Variants in WDR37 observed in about 807,000 individuals in gnomAD.
WDR37 encodes WD repeat-containing protein 37.
In WDR37, 19 loss-of-function variants were observed where a neutral mutation model predicts 62.9. The ratio of observed to expected loss-of-function variants is 0.30; its 90% CI spans 0.21 to 0.44. WDR37 has a LOEUF of 0.44. Ranked by LOEUF, WDR37 falls within the 20% of genes least tolerant of loss-of-function variation. The probability of loss-of-function intolerance (pLI) is 1.00; values close to 1 mark genes in which losing one functional copy is unlikely to be tolerated. For synonymous variants in WDR37, 250 were observed against 260.9 expected (o/e 0.96, Z 0.40); for missense variants, 474 against 657.6 (o/e 0.72, Z 3.05).
chr10:1,067,253 A>G (rs1833581703), intron 1 of WDR37, among the ~76,000 whole-genome samples: 1 of 152,214 alleles, frequency 6.6e-6, no homozygotes, highest in Non-Finnish European at 1.5e-5. Flanking sequence ...ACAAACAACA[A>G]AAAAACCTTG....
At chr10:1,091,178 G>A (rs1834375959) in intron 7 of WDR37, among the ~76,000 whole-genome samples, 1 of 152,230 alleles carries the variant, frequency 6.6e-6, no homozygotes, top group South Asian at 2.1e-4. Flanking sequence ...CTTCTGTGGT[G>A]TGGTGCCTTC....
At chr10:1,116,824 C>G (rs1397106932) in intron 11 of WDR37, among the ~76,000 whole-genome samples, 2 of 151,762 alleles carry the variant, frequency 1.3e-5, no homozygotes, top group Non-Finnish European at 2.9e-5. Context: ...TGTCTTGTGA[C>G]CACAGAAACT....
In WDR37 at chr10:1,116,801, T is replaced by G. The variant is rs554408379; in HGVS notation, c.1104-7417T>G. On this transcript the variant is annotated intron_variant, in intron 11 of 13. Transcript: ENST00000263150. ...GTCTTGGGTGTTTCCTTTGTATTAG[T>G]TAGTGAATGTTTTGTCTTGTGACCA... Among the ~76,000 whole-genome samples the G allele has an allele frequency of 9.9e-5, 15 of 152,256 alleles. No individual in the cohort carries two copies. The South Asian group carries it at 2.1e-3, about 21-fold the overall frequency.
At chr10:1,064,710 A>G (rs1833487195) in intron 1 of WDR37, among the ~76,000 whole-genome samples, 6 of 145,900 alleles carry the variant, frequency 4.1e-5, no homozygotes, top group Admixed American at 3.7e-4. Flanking sequence ...GTTCTGCCCT[A>G]GCCTCCCAAG....
intron 9 of WDR37, among the ~76,000 whole-genome samples, chr10:1,098,251 GAGACACC>G (rs1298036947): frequency 2.6e-5 from 4 of 151,782 alleles, no homozygotes; most frequent in Non-Finnish European, 5.9e-5. Flanking sequence ...CTTGTCAGAA[GAGACACC>G]AGACAGCTCA....
intron 10 of WDR37, among the ~76,000 whole-genome samples, chr10:1,104,907 C>T (rs1352132493): frequency 6.6e-6 from 1 of 152,140 alleles, no homozygotes; most frequent in African/African-American, 2.4e-5. Context: ...GGGTTATGCA[C>T]CTGTTTGGTT....
chr10:1,114,193 A>G (rs1835312458), intron 11 of WDR37, among the ~76,000 whole-genome samples: 2 of 152,060 alleles, frequency 1.3e-5, no homozygotes, highest in Non-Finnish European at 2.9e-5. Context: ...CTAACCTCAA[A>G]TGATCCACCT....
chr10:1,126,339 G>A (rs1266214476), intron 13 of WDR37, among the ~76,000 whole-genome samples: 3 of 150,896 alleles, frequency 2.0e-5, no homozygotes, highest in East Asian at 3.9e-4. Context: ...CCAGGAGGCG[G>A]AGCTTGCAGT....
In WDR37 at chr10:1,124,917, G is replaced by A. The variant is rs1377101832; in HGVS notation, c.1246G>A (p.Val416Ile). The change falls in exon 13 of 14, where the codon GTA (valine) becomes ATA (isoleucine). Residue 416 changes from valine to isoleucine, a missense_variant. Val to Ile is a conservative substitution (Grantham distance 29). Coordinates refer to ENST00000263150, the MANE Select transcript of WDR37 (RefSeq NM_014023.4). ...RTDSAINRINVCVGQKIIALP... is the reference protein window; with the variant it reads ...RTDSAINRINICVGQKIIALP... ...TTTACCTCTTCTTTGCAGGATCAAT[G>A]TATGTGTCGGCCAAAAAATCATAGC... 1.9e-6 allele frequency: 3 copies of A among 1,614,034 alleles called. No homozygotes were observed. Among genetic ancestry groups the A allele is most frequent in the Non-Finnish European group, 2.5e-6 (3 of 1,180,030 alleles).
chr10:1,081,334 C>T (rs145030949), intron 5 of WDR37, among the ~76,000 whole-genome samples: 5 of 152,250 alleles, frequency 3.3e-5, no homozygotes, highest in African/African-American at 9.6e-5. Flanking sequence ...ATTTTGTATG[C>T]ATCTGTACTT....
intron 13 of WDR37, among the ~76,000 whole-genome samples, chr10:1,126,407 G>T (rs10794723): frequency 6.8e-6 from 1 of 147,554 alleles, no homozygotes; most frequent in South Asian, 2.1e-4. Context: ...CTGTGTCTCA[G>T]AAAAAAAAAA....
At chr10:1,095,642 T>G (rs1834550234) in intron 8 of WDR37, among the ~76,000 whole-genome samples, 1 of 152,214 alleles carries the variant, frequency 6.6e-6, no homozygotes. Context: ...CCCGCAGTGC[T>G]GTCCTTTTGT....
chr10:1,124,785 A>G (rs1315738624), intron 12 of WDR37, 125 bp from the exon 13 acceptor site: 2 of 1,257,990 alleles, frequency 1.6e-6, no homozygotes, highest in Middle Eastern at 3.8e-4. Flanking sequence ...TGGTACACGC[A>G]GTGTGTTCAT....
chr10:1,086,695 A>T (rs1564502312), intron 7 of WDR37, among the ~76,000 whole-genome samples: 1 of 152,198 alleles, frequency 6.6e-6, no homozygotes, highest in Non-Finnish European at 1.5e-5. Context: ...TTTACTTTTG[A>T]TGTAGTGATA....
At chr10:1,066,341 G>T (rs202023735) in intron 1 of WDR37, among the ~76,000 whole-genome samples, 6 of 152,134 alleles carry the variant, frequency 3.9e-5, no homozygotes, top group East Asian at 3.9e-4. Flanking sequence ...TGGTCTCGAA[G>T]TCCTGACCTT....
chr10:1,124,131 CCA>C (rs1835668561), intron 11 of WDR37, 85 bp from the exon 12 acceptor site: 1 of 1,576,520 alleles, frequency 6.3e-7, no homozygotes, highest in African/African-American at 1.3e-5. Context: ...GACCTCCTTC[CCA>C]CCCACTTGGT....
intron 2 of WDR37, chr10:1,074,633 G>A (rs776222957): frequency 2.2e-4 from 180 of 804,742 alleles, no homozygotes; most frequent in Admixed American, 1.1e-3. Flanking sequence ...TCTGCCGCAC[G>A]CGTTTGGCAT....
At chr10:1,102,039 C>T (rs940715896) in intron 9 of WDR37, among the ~76,000 whole-genome samples, 18 of 151,252 alleles carry the variant, frequency 1.2e-4, no homozygotes, top group East Asian at 9.8e-4. Flanking sequence ...GTCCCTGTGA[C>T]GTGCGTTCCC....
At chr10:1,126,405 CAGAAAA>C (rs1835777985) in intron 13 of WDR37, among the ~76,000 whole-genome samples, 1 of 125,516 alleles carries the variant, frequency 8.0e-6, no homozygotes, top group Non-Finnish European at 1.7e-5. Context: ...GACTGTGTCT[CAGAAAA>C]AAAAAAAAGA....
Sources: gnomAD v4.1 joint callset for allele counts (sites outside exome capture counted in the v4.1 genomes callset) on GRCh38, gnomAD v4.1.1 for gene constraint, MANE v1.5 for transcripts, NCBI Gene and HGNC (gene_info 2026-07-23, HGNC 2026-07-21) for gene names.